The following RAP1GAP2 variants were observed in gnomAD, a reference collection of about 807,000 sequenced individuals.
RAP1GAP2 encodes the protein rap1 GTPase-activating protein 2.
Under a neutral mutation model 95.0 loss-of-function variants are expected in RAP1GAP2, and 27 were observed. The observed-to-expected ratio is 0.28, with a 90% CI of 0.21 to 0.39. The LOEUF (loss-of-function observed/expected upper bound fraction) is 0.39. RAP1GAP2 is among the 10% of genes least tolerant of loss of function. The probability of loss-of-function intolerance (pLI) is 1.00; values close to 1 mark genes in which losing one functional copy is unlikely to be tolerated. For missense variants in RAP1GAP2, 771 were observed against 970.0 expected (o/e 0.79, Z 2.72); for synonymous variants, 373 against 380.9 (o/e 0.98, Z 0.24).
At chr17:2,932,448 G>T (rs899753056) in intron 3 of RAP1GAP2, among the ~76,000 whole-genome samples, 1 of 151,988 alleles carries the variant, frequency 6.6e-6, no homozygotes, top group African/African-American at 2.4e-5. Context: ...GAGGAAGGGT[G>T]TTCGGTATGT....
rs78410281 is a variant in RAP1GAP2, at chr17:2,921,689, G to T, written c.165+16321G>T. On this transcript the variant is annotated intron_variant, in intron 3 of 24. Coordinates refer to ENST00000254695, the MANE Select transcript of RAP1GAP2 (RefSeq NM_015085.5). ...GTTAAGGTGTCAGCAGGGCCGTTAA[G>T]GTGTCCGCAGGGCCGTTATGTGTCC... Among the ~76,000 whole-genome samples, 828 of 88,250 alleles carry T rather than the reference G, an allele frequency of 9.4e-3. 9 individuals carry two copies. The highest frequency in any genetic ancestry group is 0.055 in the African/African-American group (761 of 13,714). 57.9% of individuals were successfully genotyped at this position (88,250 alleles called of 152,430 possible).
intron 1 of RAP1GAP2, 70 bp from the exon 2 acceptor site, chr17:2,800,445 C>G (rs534205147): frequency 2.8e-6 from 3 of 1,073,740 alleles, no homozygotes; most frequent in Non-Finnish European, 3.9e-6. Flanking sequence ...CCGGGGACTC[C>G]TCCATACAGA....
chr17:2,996,617 C>T (rs918539811), intron 13 of RAP1GAP2, among the ~76,000 whole-genome samples: 10 of 152,360 alleles, frequency 6.6e-5, no homozygotes, highest in South Asian at 2.1e-4. Flanking sequence ...CCTCCAGCCC[C>T]TCTGTTCCCT....
chr17:2,885,028 C>CTTTTTT (rs891984333), intron 2 of RAP1GAP2, among the ~76,000 whole-genome samples: 116 of 112,458 alleles, frequency 1.0e-3, no homozygotes, highest in African/African-American at 1.7e-3. Context: ...TTATTTCTTT[C>CTTTTTT]TTTTTTTTTT....
At chr17:2,828,563 C>A (rs560327094) in intron 2 of RAP1GAP2, among the ~76,000 whole-genome samples, 1 of 152,024 alleles carries the variant, frequency 6.6e-6, no homozygotes, top group African/African-American at 2.4e-5. Flanking sequence ...GAAGAGCCGG[C>A]GGGAAGAGCG....
At chr17:2,943,330 A>C (rs1331891575) in intron 3 of RAP1GAP2, among the ~76,000 whole-genome samples, 1 of 152,206 alleles carries the variant, frequency 6.6e-6, no homozygotes, top group African/African-American at 2.4e-5. Flanking sequence ...TTTAAAATGT[A>C]TAAGGAACTC....
intron 3 of RAP1GAP2, among the ~76,000 whole-genome samples, chr17:2,922,825 TGTTTTTG>T (rs1567782139): frequency 3.0e-5 from 4 of 133,278 alleles, no homozygotes; most frequent in African/African-American, 6.4e-5. Context: ...ATTTTCTTTT[TGTTTTTG>T]TTTTTTTTTT....
rs528845347 is a variant in RAP1GAP2 at position 2,820,619 on chromosome 17, C to CAA, written c.80+20085_80+20086dup. On this transcript the variant is annotated intron_variant, in intron 2 of 24. Coordinates refer to ENST00000254695, the MANE Select transcript of RAP1GAP2 (RefSeq NM_015085.5). ...TGGGCAGCAATGAGAGACACCGTCT[C>CAA]AAAAAAAAAAAAAAAAAGAGGACTT... Among the ~76,000 whole-genome samples the CAA allele has an allele frequency of 1.9e-3, 168 of 87,004 alleles. 1 individual carries two copies. The highest frequency in any genetic ancestry group is 5.3e-3 in the African/African-American group (149 of 27,908). The allele number at this position is 87,004 out of a possible 152,430, so 57.1% of individuals were successfully genotyped here. A position where few individuals can be genotyped will look rare whatever the true frequency, so the allele number is the denominator to read the frequency against.
In RAP1GAP2 at chr17:3,037,288, G is replaced by C. The variant is rs1396557376; in HGVS notation, c.*3927G>C. 1 of 151,040 alleles carries C rather than the reference G, an allele frequency of 6.6e-6. No individual in the cohort carries two copies. Among genetic ancestry groups the C allele is most frequent in the East Asian group, 2.0e-4 (1 of 5,108 alleles). 9.4% of individuals were successfully genotyped at this position (151,040 alleles called of 1,614,324 possible). On this transcript the variant is annotated 3_prime_UTR_variant, in exon 25 of 25. Transcript: ENST00000254695. ...GTGCCTTACCAGCCCTGGGGAGGGG[G>C]GCATTTGGCTGGAAGACTGGAATTT...
intron 2 of RAP1GAP2, among the ~76,000 whole-genome samples, chr17:2,840,365 A>G (rs1472242093): frequency 6.7e-6 from 1 of 149,174 alleles, no homozygotes; most frequent in Non-Finnish European, 1.5e-5. Context: ...GTTTCACCAC[A>G]TTGGCCAGGC....
At chr17:2,964,180 A>T in intron 7 of RAP1GAP2, 112 bp downstream of exon 7, 1 of 788,862 alleles carries the variant, frequency 1.3e-6, no homozygotes, top group Non-Finnish European at 1.7e-6. Flanking sequence ...AGGCTGTGGG[A>T]GGCTGTGGGA....
chr17:2,810,222 A>G (rs2069706854), intron 2 of RAP1GAP2, among the ~76,000 whole-genome samples: 1 of 152,008 alleles, frequency 6.6e-6, no homozygotes, highest in South Asian at 2.1e-4. Context: ...CCTCCCTGGG[A>G]GGCAGAGTCC....
intron 2 of RAP1GAP2, among the ~76,000 whole-genome samples, chr17:2,811,251 A>G (rs2069760820): frequency 6.6e-6 from 1 of 152,138 alleles, no homozygotes; most frequent in South Asian, 2.1e-4. Flanking sequence ...CAGGAGCCCC[A>G]TGGACACGAG....
In RAP1GAP2 at chr17:3,008,865, G is replaced by A. The variant is rs777511501; in HGVS notation, c.1494+720G>A. Among the ~76,000 whole-genome samples the A allele has an allele frequency of 1.5e-4, 23 of 152,162 alleles. No individual in the cohort carries two copies. The highest frequency in any genetic ancestry group is 3.4e-4 in the Non-Finnish European group (23 of 68,022). On this transcript the variant is annotated intron_variant, in intron 17 of 24. Transcript: ENST00000254695. The surrounding 1 kb of genome is among the most constrained non-coding windows in gnomAD (Gnocchi z 4.2). ...TGTCAGCCTGTGCAGGTGGCGGAAC[G>A]GGTCTTGTTATATTCACGAACACAC...
At chr17:2,849,538 G>A (rs910938133) in intron 2 of RAP1GAP2, among the ~76,000 whole-genome samples, 1 of 152,204 alleles carries the variant, frequency 6.6e-6, no homozygotes, top group Non-Finnish European at 1.5e-5. Context: ...CCTCAGGAAC[G>A]GGCTGTGCAG....
rs1448733635 is a variant in RAP1GAP2, at chr17:2,857,280, A to G, written c.81-48004A>G. On this transcript the variant is annotated intron_variant, in intron 2 of 24. Coordinates refer to ENST00000254695, the MANE Select transcript of RAP1GAP2 (RefSeq NM_015085.5). The surrounding 1 kb of genome is among the most constrained non-coding windows in gnomAD (Gnocchi z 4.0). The stretch of plus-strand genomic sequence containing the variant: ...TGTGTGTGGCTTGCAGGGACCACCC[A>G]GTGGTCTTTTTCATCCTCCTGCTCT... Among the ~76,000 whole-genome samples, 1 of 152,176 alleles carries G rather than the reference A, an allele frequency of 6.6e-6. No homozygotes were observed. The highest frequency in any genetic ancestry group is 2.4e-5 in the African/African-American group (1 of 41,450).
chr17:2,928,653 CAT>C (rs1157924983), intron 3 of RAP1GAP2, among the ~76,000 whole-genome samples: 1 of 152,180 alleles, frequency 6.6e-6, no homozygotes, highest in African/African-American at 2.4e-5. Context: ...AACAGGCACA[CAT>C]GTTTAAAATT....
At chr17:2,828,013 G>A (rs2070655264) in intron 2 of RAP1GAP2, among the ~76,000 whole-genome samples, 1 of 152,124 alleles carries the variant, frequency 6.6e-6, no homozygotes. Context: ...GATGAGCCGA[G>A]CACTTGACCA....
Position 2,850,252 on chromosome 17 carries a change from G to A in RAP1GAP2, c.80+49702G>A, listed in dbSNP as rs541806746. On this transcript the variant is annotated intron_variant, in intron 2 of 24. Transcript: ENST00000254695. Reference sequence around the variant, plus strand: ...CCTGACCTCATGATCCGCCCGCCTCGGCCTCCCAAAGTGCTGGGATTACAG... The same window carrying A: ...CCTGACCTCATGATCCGCCCGCCTCAGCCTCCCAAAGTGCTGGGATTACAG... Among the ~76,000 whole-genome samples the A allele has an allele frequency of 5.6e-4, 84 of 150,568 alleles. 2 individuals carry two copies. The South Asian group carries it at 0.016, about 29-fold the overall frequency.
Sources: gnomAD v4.1 joint callset for allele counts (sites outside exome capture counted in the v4.1 genomes callset) on GRCh38, gnomAD v4.1.1 for gene constraint, Gnocchi (gnomAD v3.1) non-coding constraint, MANE v1.5 for transcripts, NCBI Gene and HGNC (gene_info 2026-07-23, HGNC 2026-07-21) for gene names.